UNC5C: variants seen among roughly 807,000 people sequenced by gnomAD.
UNC5C encodes unc-5 netrin receptor C.
A neutral mutation model predicts 99.8 loss-of-function variants in UNC5C; 47 were observed. The observed-to-expected ratio is 0.47, with a 90% CI of 0.37 to 0.60. The LOEUF (loss-of-function observed/expected upper bound fraction) is 0.60, where lower values mean the gene tolerates loss of function less well. Among genes scored for constraint, UNC5C ranks in the 20% least tolerant of loss-of-function variants. UNC5C has a pLI of 0.00. For synonymous variants in UNC5C, 487 were observed against 452.2 expected (o/e 1.08, Z -0.98); for missense variants, 1,062 against 1,165.9 (o/e 0.91, Z 1.30).
At chr4:95,492,511 T>C (rs1327028562) in intron 1 of UNC5C, among the ~76,000 whole-genome samples, 4 of 151,396 alleles carry the variant, frequency 2.6e-5, no homozygotes, top group East Asian at 1.9e-4. Flanking sequence ...ATAAAATATA[T>C]ACTAGATAGC....
At chr4:95,373,784 G>A (rs1483566869) in intron 1 of UNC5C, among the ~76,000 whole-genome samples, 1 of 152,100 alleles carries the variant, frequency 6.6e-6, no homozygotes, top group African/African-American at 2.4e-5. Context: ...GAAGGGGGTG[G>A]CGAGCTTCCA....
chr4:95,529,577 TC>T (rs1722588784), intron 1 of UNC5C, among the ~76,000 whole-genome samples: 1 of 151,592 alleles, frequency 6.6e-6, no homozygotes. Context: ...AACTAAAAAA[TC>T]AGCTAGGCAG....
rs560017524 is a variant in UNC5C at position 95,274,229 on chromosome 4, T to C, written c.594+4030A>G. On this transcript the variant is annotated intron_variant, in intron 4 of 15. Transcript: ENST00000453304. ...TGGTTCATCCATGCCAGGTATTCGA[T>C]GTGGAAACAGTTCTGTATCTGTTGC... Among the ~76,000 whole-genome samples, 7 of 152,224 alleles carry C rather than the reference T, an allele frequency of 4.6e-5. No homozygotes were observed. In the South Asian group the frequency reaches 1.0e-3, roughly 23 times the overall value.
chr4:95,510,018 C>T (rs1214372728), intron 1 of UNC5C, among the ~76,000 whole-genome samples: 2 of 151,736 alleles, frequency 1.3e-5, no homozygotes, highest in Admixed American at 6.6e-5. Context: ...AAGTCCTCTC[C>T]GTATTTTACG....
intron 3 of UNC5C, among the ~76,000 whole-genome samples, chr4:95,291,931 A>G (rs1367380045): frequency 2.0e-5 from 3 of 152,020 alleles, no homozygotes; most frequent in Non-Finnish European, 2.9e-5. Context: ...TAAAAATGCC[A>G]TTTATTCTGG....
At chr4:95,362,740 C>T (rs1744432402) in intron 1 of UNC5C, among the ~76,000 whole-genome samples, 1 of 152,038 alleles carries the variant, frequency 6.6e-6, no homozygotes, top group Non-Finnish European at 1.5e-5. Context: ...AGCTAAAATC[C>T]TTGGCTTTGA....
At chr4:95,434,245 T>C (rs551672761) in intron 1 of UNC5C, among the ~76,000 whole-genome samples, 295 of 152,212 alleles carry the variant, frequency 1.9e-3, no homozygotes, top group African/African-American at 6.6e-3. Flanking sequence ...ACATTACTTG[T>C]TCATTCTACA....
rs545994440 is a variant in UNC5C at position 95,421,507 on chromosome 4, T to G, written c.125-85876A>C. Among the ~76,000 whole-genome samples, 222 of 152,260 alleles carry G rather than the reference T, an allele frequency of 1.5e-3. 1 individual carries two copies. The highest frequency in any genetic ancestry group is 2.4e-3 in the Non-Finnish European group (166 of 68,006). ...GGTAGATTTTTTTTTTTTCAAAGAT[T>G]TGTTTTGGTTTCTGCTCTTAAGGAG... is the stretch of plus-strand genomic sequence containing the variant. On this transcript the variant is annotated intron_variant, in intron 1 of 15. Coordinates refer to ENST00000453304, the MANE Select transcript of UNC5C (RefSeq NM_003728.4).
chr4:95,206,983 A>G (rs1344810251), intron 10 of UNC5C, among the ~76,000 whole-genome samples, 187 bp from the exon 11 acceptor site: 1 of 149,060 alleles, frequency 6.7e-6, no homozygotes, highest in Non-Finnish European at 1.5e-5. Context: ...CAAGACCTTG[A>G]TCTTGCAGGA....
chr4:95,295,958 T>C (rs868355598), intron 3 of UNC5C, among the ~76,000 whole-genome samples: 19 of 152,206 alleles, frequency 1.2e-4, no homozygotes, highest in Middle Eastern at 3.4e-3. Flanking sequence ...TGGTGGTGCA[T>C]GCCAGTAATC....
At chr4:95,290,531 A>G (rs1347288905) in intron 3 of UNC5C, among the ~76,000 whole-genome samples, 1 of 152,196 alleles carries the variant, frequency 6.6e-6, no homozygotes, top group East Asian at 1.9e-4. Context: ...AGTGTTTCCT[A>G]AACAGGTGAC....
At chr4:95,479,048 G>T (rs569166585) in intron 1 of UNC5C, among the ~76,000 whole-genome samples, 16 of 151,886 alleles carry the variant, frequency 1.1e-4, no homozygotes, top group Non-Finnish European at 1.5e-4. Context: ...GAAGATGTAC[G>T]ATCTCCAGAA....
intron 4 of UNC5C, among the ~76,000 whole-genome samples, chr4:95,275,464 T>C (rs1014710155): frequency 2.0e-5 from 3 of 152,192 alleles, no homozygotes; most frequent in Non-Finnish European, 4.4e-5. Flanking sequence ...ATCTCCCCTT[T>C]ATAGTTGAGG....
In UNC5C at chr4:95,543,105, A is replaced by G. The variant is rs1311066690; in HGVS notation, c.124+5629T>C. On this transcript the variant is annotated intron_variant, in intron 1 of 15. Transcript: ENST00000453304. ...ATACTGGAATAATACCAAAGGTCTC[A>G]TATTCATGTAGCCCTCCTCCACAAA... 2.6e-5 allele frequency among the ~76,000 whole-genome samples: 4 copies of G among 152,262 alleles called. No homozygotes were observed. The East Asian group carries it at 7.7e-4, about 29-fold the overall frequency.
chr4:95,213,610 T>C (rs1402964762), intron 10 of UNC5C, among the ~76,000 whole-genome samples: 1 of 152,108 alleles, frequency 6.6e-6, no homozygotes, highest in African/African-American at 2.4e-5. Context: ...ACGCCTCCCT[T>C]CAGACAATTC....
chr4:95,206,289 C>A (rs995789757), intron 11 of UNC5C, among the ~76,000 whole-genome samples: 1 of 151,484 alleles, frequency 6.6e-6, no homozygotes, highest in Admixed American at 6.6e-5. Flanking sequence ...ATGAGCCACC[C>A]CATATACATA....
chr4:95,537,574 T>C (rs1722813287), intron 1 of UNC5C, among the ~76,000 whole-genome samples: 1 of 152,196 alleles, frequency 6.6e-6, no homozygotes, highest in Non-Finnish European at 1.5e-5. Context: ...AGTGTAAATT[T>C]GCGGTAAAAC....
At position 95,313,394 on chromosome 4, in the gene UNC5C, CTTACT is replaced by C. The variant is rs567575871; in HGVS notation, c.347-11650_347-11646del. ...CTATGAGTAAACAAGGATACACTGA[CTTACT>C]TTAAAGGAATTTTAATAATTTTAAT... On this transcript the variant is annotated intron_variant, in intron 2 of 15. Coordinates refer to ENST00000453304, the MANE Select transcript of UNC5C (RefSeq NM_003728.4). Among the ~76,000 whole-genome samples the C allele has an allele frequency of 5.3e-3, 801 of 151,944 alleles. 7 individuals carry two copies. Among genetic ancestry groups the C allele is most frequent in the African/African-American group, 0.018 (756 of 41,272 alleles).
At chr4:95,239,656 G>A (rs1358806540) in intron 7 of UNC5C, among the ~76,000 whole-genome samples, 11 of 151,988 alleles carry the variant, frequency 7.2e-5, no homozygotes, top group East Asian at 1.9e-4. Flanking sequence ...TTTGGACCAC[G>A]TATTTTCTCT....
Sources: allele counts gnomAD v4.1 joint callset (sites outside exome capture counted in the v4.1 genomes callset), GRCh38; gene constraint gnomAD v4.1.1; transcripts MANE v1.5; gene names NCBI Gene and HGNC (gene_info 2026-07-23, HGNC 2026-07-21).